MTBP: variants seen among roughly 807,000 people sequenced by gnomAD.
MTBP encodes the protein MDM2 binding protein.
MTBP carries 101 observed loss-of-function variants against 117.0 expected under a neutral mutation model. That is an observed-to-expected ratio of 0.86 (90% CI 0.73 to 1.02). The LOEUF is 1.02. Among genes scored for constraint, MTBP ranks in the 50% least tolerant of loss-of-function variants. The pLI, the probability that MTBP is intolerant of heterozygous loss-of-function variation, is 0.00. For synonymous variants in MTBP, 350 were observed against 351.5 expected (o/e 1.00, Z 0.05); for missense variants, 970 against 1,030.9 (o/e 0.94, Z 0.81).
At chr8:120,471,644 A>C (rs1292593684) in intron 11 of MTBP, 2 of 152,190 alleles carry the variant, frequency 1.3e-5, no homozygotes, top group Non-Finnish European at 2.9e-5. Context: ...GTTACACAGT[A>C]TTCCAAGTAT....
rs558516661 is a variant in MTBP at position 120,521,740 on chromosome 8, G to C, written c.2611-914G>C. Among the ~76,000 whole-genome samples the C allele has an allele frequency of 2.2e-3, 337 of 152,274 alleles. 1 individual carries two copies. Among genetic ancestry groups the C allele is most frequent in the South Asian group, 4.3e-3 (21 of 4,830 alleles). ...AAAAGTGAGACATCAGCTTCCTTTT[G>C]TATGTCATTCTTCTTTATGATGGAG... On this transcript the variant is annotated intron_variant, in intron 20 of 21. Transcript: ENST00000305949.
intron 11 of MTBP, among the ~76,000 whole-genome samples, chr8:120,480,323 T>C (rs1003090536): frequency 6.6e-6 from 1 of 151,036 alleles, no homozygotes; most frequent in Non-Finnish European, 1.5e-5. Flanking sequence ...GGCAGGAGAA[T>C]CGTTTGAACC....
chr8:120,490,660 T>C (rs1273675300), intron 13 of MTBP, 90 bp downstream of exon 13: 1 of 732,390 alleles, frequency 1.4e-6, no homozygotes, highest in East Asian at 2.8e-5. Context: ...TTTTCATATA[T>C]AGTTTATCTT....
chr8:120,460,239 C>T lies in MTBP; in HGVS notation c.882+890C>T, dbSNP rs572621580. 9.9e-5 allele frequency among the ~76,000 whole-genome samples: 15 copies of T among 152,184 alleles called. No homozygotes were observed. In the East Asian group the frequency reaches 1.4e-3, roughly 14 times the overall value. Reference sequence around the variant, plus strand: ...TAAATTCTTTTCTAAAAATTAGAATCGTAAGATTCATGACCTCAACTTTTC... The same window carrying T: ...TAAATTCTTTTCTAAAAATTAGAATTGTAAGATTCATGACCTCAACTTTTC... On this transcript the variant is annotated intron_variant, in intron 8 of 21. Coordinates refer to ENST00000305949, the MANE Select transcript of MTBP (RefSeq NM_022045.5).
At chr8:120,471,196 G>T in intron 11 of MTBP, 2 of 261,916 alleles carry the variant, frequency 7.6e-6, no homozygotes, top group Non-Finnish European at 1.4e-5. Flanking sequence ...TACTGAACAT[G>T]GGTTTTTTAG....
intron 4 of MTBP, 181 bp downstream of exon 4, chr8:120,451,503 T>G: frequency 1.9e-6 from 1 of 533,620 alleles, no homozygotes; most frequent in Admixed American, 3.4e-5. Flanking sequence ...TGCATGTTTC[T>G]TAAGCTTACA....
At chr8:120,497,893 G>A (rs554033766) in intron 14 of MTBP, among the ~76,000 whole-genome samples, 1 of 152,162 alleles carries the variant, frequency 6.6e-6, no homozygotes, top group East Asian at 1.9e-4. Context: ...CATAAAGTGT[G>A]GAAAGCAAAA....
intron 10 of MTBP, among the ~76,000 whole-genome samples, chr8:120,466,293 C>A (rs1813691733): frequency 1.3e-5 from 2 of 149,294 alleles, no homozygotes; most frequent in Non-Finnish European, 3.0e-5. Context: ...CTCACTGCAA[C>A]CTCCGTCTCC....
intron 17 of MTBP, among the ~76,000 whole-genome samples, chr8:120,511,712 A>T (rs781247762): frequency 4.0e-4 from 61 of 152,162 alleles, no homozygotes; most frequent in Admixed American, 1.8e-3. Flanking sequence ...TTCTGATTTT[A>T]TTAAAGACTT....
chr8:120,455,560 G>A lies in MTBP; in HGVS notation c.610G>A (p.Ala204Thr), dbSNP rs752397031. 3 of 1,608,948 alleles carry A rather than the reference G, an allele frequency of 1.9e-6. No homozygotes were observed. The highest frequency in any genetic ancestry group is 4.5e-5 in the East Asian group (2 of 44,652). Residue 204 changes from alanine to threonine, a missense_variant, in exon 6 of 22, where the codon GCA becomes ACA. Ala to Thr is a moderately conservative substitution (Grantham distance 58). Coordinates refer to ENST00000305949, the MANE Select transcript of MTBP (RefSeq NM_022045.5). ...REWYSAKITI[A>T]GNHCEINCQK... Reference sequence around the variant, plus strand: ...ATGGTATTCAGCAAAGATCACTATAGCAGGAAATCATTGTGAAATGTAAGC... The same window carrying A: ...ATGGTATTCAGCAAAGATCACTATAACAGGAAATCATTGTGAAATGTAAGC...
At chr8:120,460,984 G>A (rs1285649282) in intron 8 of MTBP, among the ~76,000 whole-genome samples, 177 bp from the exon 9 acceptor site, 1 of 152,106 alleles carries the variant, frequency 6.6e-6, no homozygotes, top group Non-Finnish European at 1.5e-5. Flanking sequence ...TACCCTGAAA[G>A]GTAGAATTGA....
At chr8:120,485,012 T>C (rs1814179242) in intron 11 of MTBP, among the ~76,000 whole-genome samples, 1 of 150,798 alleles carries the variant, frequency 6.6e-6, no homozygotes, top group Non-Finnish European at 1.5e-5. Context: ...TCTTTATTGC[T>C]GAATAATATT....
At chr8:120,448,222 G>C (rs1393885770) in intron 2 of MTBP, among the ~76,000 whole-genome samples, 1 of 152,166 alleles carries the variant, frequency 6.6e-6, no homozygotes. Context: ...GTGAGCCACT[G>C]TGCCCGACCT....
intron 20 of MTBP, among the ~76,000 whole-genome samples, chr8:120,521,281 A>G (rs1400627574): frequency 2.0e-5 from 3 of 152,178 alleles, no homozygotes; most frequent in Non-Finnish European, 2.9e-5. Context: ...GCTAACAGGT[A>G]GTTAACAGGA....
At position 120,510,006 on chromosome 8, in the gene MTBP, A is replaced by G; in HGVS notation, c.1956A>G (p.Ser652=). ...KLQVLPFEKA[S]VCHYHGIEYC... ...AGGTCTTACCTTTTGAGAAAGCCTC[A>G]GTATGTCATTATCATGGAATTGAGT... Residue 652 remains serine, a synonymous_variant, in exon 17 of 22, where the codon TCA becomes TCG. Transcript: ENST00000305949. The G allele has an allele frequency of 6.2e-7, 1 of 1,611,576 alleles. No individual in the cohort carries two copies. The highest frequency in any genetic ancestry group is 8.5e-7 in the Non-Finnish European group (1 of 1,178,470).
chr8:120,478,380 C>G (rs1813994217), intron 11 of MTBP, among the ~76,000 whole-genome samples: 1 of 151,806 alleles, frequency 6.6e-6, no homozygotes, highest in East Asian at 1.9e-4. Flanking sequence ...GTACATGTAT[C>G]CCAGAACTTA....
chr8:120,519,709 G>A (rs1371600874), intron 20 of MTBP, among the ~76,000 whole-genome samples: 1 of 152,086 alleles, frequency 6.6e-6, no homozygotes, highest in African/African-American at 2.4e-5. Flanking sequence ...GGTGCCTAGT[G>A]GAATACTAGT....
intron 18 of MTBP, among the ~76,000 whole-genome samples, chr8:120,517,168 C>T (rs1465279217): frequency 6.6e-6 from 1 of 151,912 alleles, no homozygotes; most frequent in Non-Finnish European, 1.5e-5. Context: ...TTGTCAGGAA[C>T]AAATGTAAAC....
rs373150611 is a variant in MTBP at position 120,445,560 on chromosome 8, G to A, written c.90G>A (p.Ser30=). The A allele has an allele frequency of 1.9e-6, 3 of 1,612,884 alleles. No individual in the cohort carries two copies. The highest frequency in any genetic ancestry group is 4.5e-5 in the East Asian group (2 of 44,820). ...AGGCAGAACATGGGCCAGAGGTGTC[G>A]TCGGGTGAGGGTACTGAGAATCAGC... The part of the protein sequence containing the change: ...SREAEHGPEV[S]SGEGTENQPD... Residue 30 remains serine, a synonymous_variant, in exon 1 of 22, where the codon TCG becomes TCA. Transcript: ENST00000305949.
Sources: allele counts gnomAD v4.1 joint callset (sites outside exome capture counted in the v4.1 genomes callset), GRCh38; gene constraint gnomAD v4.1.1; transcripts MANE v1.5; gene names NCBI Gene and HGNC (gene_info 2026-07-23, HGNC 2026-07-21).